RIC1: variants seen among roughly 807,000 people sequenced by gnomAD.
The protein encoded by RIC1 is guanine nucleotide exchange factor subunit RIC1.
Under a neutral mutation model 169.0 loss-of-function variants are expected in RIC1, and 88 were observed. That is an observed-to-expected ratio of 0.52 (90% CI 0.44 to 0.62). The LOEUF (loss-of-function observed/expected upper bound fraction) is 0.62, where lower values mean the gene tolerates loss of function less well. Among genes scored for constraint, RIC1 ranks in the 20% least tolerant of loss-of-function variants. RIC1 has a pLI of 0.00. For missense variants in RIC1, 1,877 were observed against 1,725.5 expected, an observed-to-expected ratio of 1.09 and a Z score of -1.56; for synonymous variants, 790 against 601.5, an observed-to-expected ratio of 1.31 and a Z score of -4.59.
At chr9:5,701,127 A>C (rs2130771473) in intron 3 of RIC1, among the ~76,000 whole-genome samples, 1 of 152,318 alleles carries the variant, frequency 6.6e-6, no homozygotes, top group South Asian at 2.1e-4. Context: ...ACTTGTTATC[A>C]CCCATTTGTG....
intron 2 of RIC1, among the ~76,000 whole-genome samples, chr9:5,664,076 C>T (rs1306667511): frequency 2.0e-5 from 3 of 151,986 alleles, no homozygotes; most frequent in Non-Finnish European, 4.4e-5. Flanking sequence ...TTAGTTTCGC[C>T]AGATATGAAA....
chr9:5,724,461 TGA>T (rs1395738585), intron 6 of RIC1, among the ~76,000 whole-genome samples: 1 of 152,224 alleles, frequency 6.6e-6, no homozygotes, highest in Non-Finnish European at 1.5e-5. Context: ...GATTTTGCGC[TGA>T]GACTATGGAG....
intron 14 of RIC1, among the ~76,000 whole-genome samples, chr9:5,753,867 A>T (rs1825855244): frequency 6.6e-6 from 1 of 152,174 alleles, no homozygotes. Flanking sequence ...TTTATTTTTA[A>T]TTCTTTTTAA....
rs1262358636 is a variant in RIC1, at chr9:5,773,415, C to CT, written c.3983+336dup. Among the ~76,000 whole-genome samples, 4 of 152,234 alleles carry CT rather than the reference C, an allele frequency of 2.6e-5. No homozygotes were observed. The East Asian group carries it at 7.7e-4, about 29-fold the overall frequency. The stretch of plus-strand genomic sequence containing the variant: ...TCCCTGTGAAATTGAAAGCAATGGT[C>CT]TACAAATATCTACTTGAAAAGATTC... On this transcript the variant is annotated intron_variant, in intron 25 of 25. Coordinates refer to ENST00000414202, the MANE Select transcript of RIC1 (RefSeq NM_020829.4).
intron 1 of RIC1, among the ~76,000 whole-genome samples, chr9:5,631,608 A>C (rs1004681806): frequency 6.7e-6 from 1 of 149,508 alleles, no homozygotes; most frequent in Admixed American, 6.8e-5. Flanking sequence ...AATCGCTTGA[A>C]CCCAAGAGGC....
intron 3 of RIC1, among the ~76,000 whole-genome samples, chr9:5,702,917 T>C (rs958322639): frequency 1.3e-5 from 2 of 151,978 alleles, no homozygotes; most frequent in African/African-American, 2.4e-5. Flanking sequence ...AAAGGGGAAA[T>C]TGCCCTCATG....
intron 2 of RIC1, among the ~76,000 whole-genome samples, chr9:5,676,628 A>T (rs972267346): frequency 6.6e-6 from 1 of 152,194 alleles, no homozygotes; most frequent in Non-Finnish European, 1.5e-5. Flanking sequence ...GCATCTCCTT[A>T]TCAATTTGTA....
chr9:5,762,766 G>T (rs1563715996), intron 18 of RIC1, 106 bp downstream of exon 18: 1 of 1,370,438 alleles, frequency 7.3e-7, no homozygotes, highest in African/African-American at 1.5e-5. Flanking sequence ...TTGGAAAGGA[G>T]AAATTAAGTC....
intron 17 of RIC1, 83 bp downstream of exon 17, chr9:5,757,534 C>G: frequency 4.3e-6 from 6 of 1,406,684 alleles, no homozygotes; most frequent in Non-Finnish European, 5.9e-6. Flanking sequence ...ATTTGTTTGG[C>G]AAATAAATAC....
chr9:5,665,688 C>A (rs749660750), intron 2 of RIC1, among the ~76,000 whole-genome samples: 2 of 152,106 alleles, frequency 1.3e-5, no homozygotes, highest in Non-Finnish European at 2.9e-5. Flanking sequence ...GCCACTCTTC[C>A]ATAGAACTGC....
At chr9:5,684,858 G>T (rs1269289732) in intron 2 of RIC1, among the ~76,000 whole-genome samples, 1 of 152,074 alleles carries the variant, frequency 6.6e-6, no homozygotes, top group Non-Finnish European at 1.5e-5. Context: ...AATTTACTGA[G>T]AATTTTTAAT....
At position 5,738,501 on chromosome 9, in the gene RIC1, A is replaced by C; in HGVS notation, c.864A>C (p.Leu288=). ...ATAACAGCACTGGAGCCATGCTGCT[A>C]TCTCATAAATTAGAGCTAACAGCAA... The part of the protein sequence containing the change: ...TIDNSTGAML[L]SHKLELTAKQ... The change falls in exon 8 of 26, where the codon CTA becomes CTC. Residue 288 remains leucine (L), a synonymous_variant. Coordinates refer to ENST00000414202, the MANE Select transcript of RIC1 (RefSeq NM_020829.4). The C allele has an allele frequency of 6.3e-7, 1 of 1,595,418 alleles. No homozygotes were observed. Among genetic ancestry groups the C allele is most frequent in the Non-Finnish European group, 8.5e-7 (1 of 1,171,480 alleles).
chr9:5,689,044 C>CTTTTTTT (rs34717277), intron 2 of RIC1, among the ~76,000 whole-genome samples: 96 of 98,990 alleles, frequency 9.7e-4, no homozygotes, highest in Middle Eastern at 8.3e-3. Context: ...AATACAATTT[C>CTTTTTTT]TTTTTTTTTT....
intron 1 of RIC1, among the ~76,000 whole-genome samples, chr9:5,636,911 T>C (rs1458624056): frequency 6.6e-6 from 1 of 152,208 alleles, no homozygotes; most frequent in Non-Finnish European, 1.5e-5. Flanking sequence ...TTATCTATAG[T>C]GCCTTGTACA....
At chr9:5,750,214 G>A (rs756421790) in intron 12 of RIC1, among the ~76,000 whole-genome samples, 1 of 151,862 alleles carries the variant, frequency 6.6e-6, no homozygotes, top group Non-Finnish European at 1.5e-5. Flanking sequence ...AAAGTTTCTA[G>A]TTTTAGGCCA....
chr9:5,666,289 A>G (rs917444786), intron 2 of RIC1, among the ~76,000 whole-genome samples: 1 of 152,038 alleles, frequency 6.6e-6, no homozygotes, highest in Non-Finnish European at 1.5e-5. Context: ...TATTGATTTT[A>G]TATCCTACGA....
intron 6 of RIC1, among the ~76,000 whole-genome samples, chr9:5,722,256 A>ATTTTT (rs771921878): frequency 1.0e-5 from 1 of 98,580 alleles, no homozygotes; most frequent in Non-Finnish European, 2.2e-5. Flanking sequence ...GGAGGAAGAG[A>ATTTTT]TTTTTTTTTT....
chr9:5,759,392 T>C (rs2131073877), intron 17 of RIC1, among the ~76,000 whole-genome samples: 1 of 152,300 alleles, frequency 6.6e-6, no homozygotes, highest in Middle Eastern at 3.4e-3. Context: ...ATACAAGACA[T>C]TCTGTTGGAC....
intron 1 of RIC1, among the ~76,000 whole-genome samples, chr9:5,652,241 G>T (rs1818846032): frequency 6.6e-6 from 1 of 152,174 alleles, no homozygotes; most frequent in Admixed American, 6.5e-5. Context: ...TTCCACTGCT[G>T]TGAGGCATAT....
Sources: gnomAD v4.1 joint callset for allele counts (sites outside exome capture counted in the v4.1 genomes callset) on GRCh38, gnomAD v4.1.1 for gene constraint, MANE v1.5 for transcripts, NCBI Gene and HGNC (gene_info 2026-07-23, HGNC 2026-07-21) for gene names.